The following MYZAP variants were observed in gnomAD, a reference collection of about 807,000 sequenced individuals.
The protein encoded by MYZAP is myocardial zonula adherens protein.
Under a neutral mutation model 69.4 loss-of-function variants are expected in MYZAP, and 66 were observed. The ratio of observed to expected loss-of-function variants is 0.95; its 90% CI spans 0.78 to 1.17. MYZAP has a LOEUF of 1.17. Ranked by LOEUF, MYZAP falls within the 50% of genes most tolerant of loss-of-function variation. MYZAP has a pLI of 0.00. For missense variants in MYZAP, 611 were observed against 556.2 expected (o/e 1.10, Z -0.99); for synonymous variants, 256 against 205.9 (o/e 1.24, Z -2.09).
At chr15:57,611,300 G>A (rs1280456637) in intron 2 of MYZAP, among the ~76,000 whole-genome samples, 2 of 152,182 alleles carry the variant, frequency 1.3e-5, no homozygotes, top group African/African-American at 4.8e-5. Flanking sequence ...GACGGGCCAT[G>A]TTGCCATGGG....
chr15:57,676,312 C>A (rs2039109930), intron 12 of MYZAP, among the ~76,000 whole-genome samples: 2 of 151,378 alleles, frequency 1.3e-5, no homozygotes, highest in Non-Finnish European at 2.9e-5. Context: ...TAGGTTCTTT[C>A]TTTGACAGTG....
At chr15:57,643,454 G>A (rs575034923) in intron 10 of MYZAP, among the ~76,000 whole-genome samples, 1 of 152,344 alleles carries the variant, frequency 6.6e-6, no homozygotes, top group South Asian at 2.1e-4. Context: ...GGAGAGCTGG[G>A]AGGAGTGTAA....
intron 2 of MYZAP, among the ~76,000 whole-genome samples, chr15:57,615,446 C>T (rs1436221594): frequency 6.6e-6 from 1 of 152,170 alleles, no homozygotes; most frequent in Non-Finnish European, 1.5e-5. Context: ...TGCTCCGTGG[C>T]GGCTTCATCT....
At position 57,616,822 on chromosome 15, in the gene MYZAP, C is replaced by CTTTTTTTTTT. The variant is rs763856721; in HGVS notation, c.163-1195_163-1186dup. ...GAGACTCCATCTAAAAAAAAAAGTGCTTTTTTTTTTTTTTTTTTTTTTTTT... is the reference window on the plus strand; with the variant it reads ...GAGACTCCATCTAAAAAAAAAAGTGCTTTTTTTTTTTTTTTTTTTTTTTTTTTTTTTTTTT... On this transcript the variant is annotated intron_variant, in intron 2 of 12. Transcript: ENST00000267853. Among the ~76,000 whole-genome samples, 372 of 50,046 alleles carry CTTTTTTTTTT rather than the reference C, an allele frequency of 7.4e-3. 44 individuals carry two copies. The highest frequency in any genetic ancestry group is 0.02 in the South Asian group (22 of 1,076). 32.8% of individuals were successfully genotyped at this position (50,046 alleles called of 152,430 possible).
In MYZAP at chr15:57,603,310, G is replaced by A. The variant is rs189983882; in HGVS notation, c.76-959G>A. 5.7e-3 allele frequency among the ~76,000 whole-genome samples: 778 copies of A among 135,528 alleles called. 13 individuals carry two copies. Among genetic ancestry groups the A allele is most frequent in the African/African-American group, 0.019 (735 of 38,448 alleles). The allele number at this position is 135,528 out of a possible 152,430, so 88.9% of individuals were successfully genotyped here. A position where few individuals can be genotyped will look rare whatever the true frequency, so the allele number is the denominator to read the frequency against. Reference sequence around the variant, plus strand: ...AGTCTGTATCCAACAAGCAGGGACAGCTTTTTTTTTTAAATTGTAGCAATG... The same window carrying A: ...AGTCTGTATCCAACAAGCAGGGACAACTTTTTTTTTTAAATTGTAGCAATG... On this transcript the variant is annotated intron_variant, in intron 1 of 12. Coordinates refer to ENST00000267853, the MANE Select transcript of MYZAP (RefSeq NM_001018100.5).
At chr15:57,637,325 G>T (rs1169124055) in intron 8 of MYZAP, among the ~76,000 whole-genome samples, 1 of 152,178 alleles carries the variant, frequency 6.6e-6, no homozygotes, top group Non-Finnish European at 1.5e-5. Context: ...CAGAATCCCA[G>T]AGCCTCTTTT....
rs2036644832 is a variant in MYZAP at position 57,633,713 on chromosome 15, T to C, written c.905T>C (p.Leu302Pro). The C allele has an allele frequency of 6.2e-7, 1 of 1,611,648 alleles. No homozygotes were observed. Among genetic ancestry groups the C allele is most frequent in the African/African-American group, 1.3e-5 (1 of 74,956 alleles). The change falls in exon 8 of 13, where the codon CTG (leucine) becomes CCG (proline). Residue 302 changes from leucine (L) to proline (P), a missense_variant. Transcript: ENST00000267853. ...LEEKDQRIGE[L>P]DRLIERMEKE... is the part of the protein sequence containing the mutation. ...GAGAAAGACCAGAGGATCGGGGAGC[T>C]GGACAGGCTGATTGAGCGCATGGAA...
chr15:57,685,160 A>G lies in MYZAP; in HGVS notation c.*662A>G, dbSNP rs1056047886. On this transcript the variant is annotated 3_prime_UTR_variant, in exon 13 of 13. Transcript: ENST00000267853. The stretch of plus-strand genomic sequence containing the variant: ...TCATTGGACCAGCTGAAATCACTGT[A>G]TTTATTCAACTAGTGATTTTTTTTT... 4.6e-5 allele frequency: 7 copies of G among 152,062 alleles called. No homozygotes were observed. Among genetic ancestry groups the G allele is most frequent in the Admixed American group, 3.3e-4 (5 of 15,272 alleles). The allele number at this position is 152,062 out of a possible 1,614,324, so 9.4% of individuals were successfully genotyped here.
At chr15:57,641,823 A>T (rs1369309281) in intron 10 of MYZAP, among the ~76,000 whole-genome samples, 1 of 152,228 alleles carries the variant, frequency 6.6e-6, no homozygotes, top group African/African-American at 2.4e-5. Context: ...TAAAAGTTAG[A>T]AACATGGTCA....
At chr15:57,675,392 T>C (rs371176009) in intron 12 of MYZAP, among the ~76,000 whole-genome samples, 1 of 152,250 alleles carries the variant, frequency 6.6e-6, no homozygotes, top group East Asian at 1.9e-4. Context: ...CAGACAGTTA[T>C]GACACAGAGA....
At chr15:57,601,347 A>G (rs2034404806) in intron 1 of MYZAP, among the ~76,000 whole-genome samples, 1 of 151,066 alleles carries the variant, frequency 6.6e-6, no homozygotes, top group Non-Finnish European at 1.5e-5. Flanking sequence ...AGAATTATGC[A>G]TGGACTAGAC....
chr15:57,602,824 G>C (rs2034503023), intron 1 of MYZAP, among the ~76,000 whole-genome samples: 1 of 152,176 alleles, frequency 6.6e-6, no homozygotes, highest in Non-Finnish European at 1.5e-5. Context: ...CCATAGGTTT[G>C]TGGTGAGGCT....
chr15:57,614,992 G>A (rs896131812), intron 2 of MYZAP, among the ~76,000 whole-genome samples: 5 of 151,986 alleles, frequency 3.3e-5, no homozygotes, highest in Non-Finnish European at 5.9e-5. Context: ...TCCTGTCAGG[G>A]ACCATCAGCT....
chr15:57,659,024 AG>A (rs1373898174), intron 10 of MYZAP, among the ~76,000 whole-genome samples: 2 of 152,204 alleles, frequency 1.3e-5, no homozygotes, highest in African/African-American at 4.8e-5. Flanking sequence ...TTTCCAAGTA[AG>A]GAGTTGATGC....
chr15:57,603,719 T>C (rs2034561570), intron 1 of MYZAP, among the ~76,000 whole-genome samples: 1 of 152,240 alleles, frequency 6.6e-6, no homozygotes, highest in Non-Finnish European at 1.5e-5. Context: ...AATATTTTGT[T>C]TATCCATTCA....
chr15:57,658,501 C>T lies in MYZAP; in HGVS notation c.1120-2949C>T, dbSNP rs1054185253. On this transcript the variant is annotated intron_variant, in intron 10 of 12. Transcript: ENST00000267853. The stretch of plus-strand genomic sequence containing the variant: ...GTTTCTAAAGTCTCCTAATCTAGAG[C>T]ATTGCTGCCCCATCTCTCCCGACTA... Among the ~76,000 whole-genome samples, 7 of 152,318 alleles carry T rather than the reference C, an allele frequency of 4.6e-5. No homozygotes were observed. In the Middle Eastern group the frequency reaches 0.01, roughly 222 times the overall value.
chr15:57,665,426 A>C (rs1393814408), intron 11 of MYZAP, among the ~76,000 whole-genome samples: 2 of 152,234 alleles, frequency 1.3e-5, no homozygotes, highest in Non-Finnish European at 2.9e-5. Flanking sequence ...TACTCCTATT[A>C]TGTATTCTGG....
At chr15:57,665,742 C>T (rs1356758232) in intron 11 of MYZAP, among the ~76,000 whole-genome samples, 1 of 152,130 alleles carries the variant, frequency 6.6e-6, no homozygotes, top group Admixed American at 6.5e-5. Context: ...TCATGTTGGT[C>T]GCTTGCAATT....
intron 1 of MYZAP, chr15:57,599,422 A>C: frequency 9.0e-7 from 1 of 1,112,398 alleles, no homozygotes; most frequent in Non-Finnish European, 1.1e-6. Flanking sequence ...ATAGGTGCTC[A>C]GTAACTGAGT....
Sources: gnomAD v4.1 joint callset for allele counts (sites outside exome capture counted in the v4.1 genomes callset) on GRCh38, gnomAD v4.1.1 for gene constraint, MANE v1.5 for transcripts, NCBI Gene and HGNC (gene_info 2026-07-23, HGNC 2026-07-21) for gene names.